The following FCHO2 variants were observed in gnomAD, a reference collection of about 807,000 sequenced individuals.
FCHO2 encodes F-BAR domain only protein 2.
FCHO2 carries 43 observed loss-of-function variants against 114.1 expected under a neutral mutation model. The observed-to-expected ratio is 0.38, with a 90% confidence interval of 0.30 to 0.49. The LOEUF (loss-of-function observed/expected upper bound fraction) is 0.49. Ranked by LOEUF, FCHO2 falls within the 20% of genes least tolerant of loss-of-function variation. The probability of loss-of-function intolerance (pLI) is 0.97; values close to 1 mark genes in which losing one functional copy is unlikely to be tolerated. For missense variants in FCHO2, 807 were observed against 950.4 expected, an observed-to-expected ratio of 0.85 and a Z score of 1.98; for synonymous variants, 293 against 315.2, an observed-to-expected ratio of 0.93 and a Z score of 0.75.
intron 19 of FCHO2, among the ~76,000 whole-genome samples, chr5:73,069,529 C>G (rs1352497103): frequency 6.6e-6 from 1 of 152,026 alleles, no homozygotes; most frequent in East Asian, 1.9e-4. Context: ...CTCACATGCA[C>G]AGTTCACAAT....
chr5:73,029,722 T>A (rs1756129532), intron 8 of FCHO2, among the ~76,000 whole-genome samples: 1 of 152,142 alleles, frequency 6.6e-6, no homozygotes, highest in Non-Finnish European at 1.5e-5. Flanking sequence ...CCATGTCACA[T>A]GGCAATAGTG....
At chr5:72,994,772 C>T (rs965708328) in intron 5 of FCHO2, among the ~76,000 whole-genome samples, 17 of 152,180 alleles carry the variant, frequency 1.1e-4, no homozygotes, top group Non-Finnish European at 1.8e-4. Flanking sequence ...TTGTGGAATA[C>T]TATGCAGCCA....
At chr5:72,977,436 G>A (rs1300796430) in intron 2 of FCHO2, among the ~76,000 whole-genome samples, 1 of 152,160 alleles carries the variant, frequency 6.6e-6, no homozygotes, top group Non-Finnish European at 1.5e-5. Context: ...TTTGAGAAGT[G>A]TCTGTTCATA....
chr5:72,959,451 T>C (rs1245035024), intron 1 of FCHO2, among the ~76,000 whole-genome samples: 1 of 152,122 alleles, frequency 6.6e-6, no homozygotes, highest in Non-Finnish European at 1.5e-5. Context: ...AAGGTTGCAG[T>C]AGGTTATGAT....
chr5:73,080,542 A>G (rs1471808407), intron 22 of FCHO2, among the ~76,000 whole-genome samples: 1 of 152,222 alleles, frequency 6.6e-6, no homozygotes, highest in African/African-American at 2.4e-5. Context: ...AAAGAATGAC[A>G]TGGATCTATG....
At chr5:73,007,135 C>T (rs903272769) in intron 6 of FCHO2, among the ~76,000 whole-genome samples, 1 of 152,150 alleles carries the variant, frequency 6.6e-6, no homozygotes, top group Non-Finnish European at 1.5e-5. Flanking sequence ...ATCTTACATA[C>T]CAAGAATTTT....
At chr5:73,075,598 A>G (rs1742873903) in intron 20 of FCHO2, among the ~76,000 whole-genome samples, 2 of 152,278 alleles carry the variant, frequency 1.3e-5, no homozygotes, top group Middle Eastern at 3.4e-3. Context: ...ATGAAATTAC[A>G]TGTGTTTTCA....
chr5:72,957,552 T>C (rs764924488), intron 1 of FCHO2, among the ~76,000 whole-genome samples: 3 of 152,262 alleles, frequency 2.0e-5, no homozygotes, highest in Non-Finnish European at 4.4e-5. Flanking sequence ...TTCCTTTTTA[T>C]GGTCAAATAA....
chr5:72,969,618 C>T (rs1752402887), intron 2 of FCHO2, among the ~76,000 whole-genome samples: 1 of 152,198 alleles, frequency 6.6e-6, no homozygotes, highest in African/African-American at 2.4e-5. Flanking sequence ...TTGCAACCAT[C>T]AGGGCAGATA....
chr5:73,028,738 C>T (rs571060190), intron 8 of FCHO2, among the ~76,000 whole-genome samples: 2 of 150,388 alleles, frequency 1.3e-5, no homozygotes, highest in Non-Finnish European at 1.5e-5. Context: ...GCAACCTCCA[C>T]CTCCCAGGTT....
At chr5:73,021,156 ATC>A in intron 8 of FCHO2, 3 of 777,492 alleles carry the variant, frequency 3.9e-6, no homozygotes, top group African/African-American at 1.7e-5. Flanking sequence ...TGAGAATGCC[ATC>A]TCTCCTTTGT....
chr5:73,005,738 T>C (rs1053566805), intron 5 of FCHO2, among the ~76,000 whole-genome samples: 1 of 152,226 alleles, frequency 6.6e-6, no homozygotes, highest in African/African-American at 2.4e-5. Context: ...GTGGCTGTGT[T>C]ACTTTATTGC....
intron 8 of FCHO2, among the ~76,000 whole-genome samples, chr5:73,029,198 G>T (rs949058705): frequency 6.6e-6 from 1 of 152,146 alleles, no homozygotes; most frequent in African/African-American, 2.4e-5. Context: ...GAGTTGGGAA[G>T]AATCATTTTA....
intron 24 of FCHO2, among the ~76,000 whole-genome samples, chr5:73,083,654 G>T (rs1348118473): frequency 1.3e-5 from 2 of 152,122 alleles, no homozygotes; most frequent in Admixed American, 1.3e-4. Flanking sequence ...CACTTTGGTA[G>T]GCCGAGGTGG....
At position 72,988,856 on chromosome 5, in the gene FCHO2, G is replaced by T. The variant is rs193180610; in HGVS notation, c.126-571G>T. Among the ~76,000 whole-genome samples, 120 of 152,344 alleles carry T rather than the reference G, an allele frequency of 7.9e-4. 1 individual carries two copies. Among genetic ancestry groups the T allele is most frequent in the Admixed American group, 7.4e-3 (113 of 15,312 alleles). On this transcript the variant is annotated intron_variant, in intron 2 of 25. Transcript: ENST00000430046. The stretch of plus-strand genomic sequence containing the variant: ...AGAGAATACAAGAAGTAGCACTCAT[G>T]TATTTCCTGTTCAGATAAGCATTGG...
intron 8 of FCHO2, among the ~76,000 whole-genome samples, chr5:73,028,899 G>A (rs1303612708): frequency 2.6e-5 from 4 of 151,886 alleles, no homozygotes; most frequent in South Asian, 2.1e-4. Context: ...CACCCGCCTC[G>A]GCCTCCCAAA....
chr5:72,979,806 T>A (rs987176615), intron 2 of FCHO2, among the ~76,000 whole-genome samples: 3 of 152,210 alleles, frequency 2.0e-5, no homozygotes, highest in African/African-American at 7.2e-5. Context: ...TTTATCATTT[T>A]TTATTGTGTC....
rs918703495 is a variant in FCHO2 at position 73,088,522 on chromosome 5, A to G, written c.*432A>G. The G allele has an allele frequency of 5.8e-6, 1 of 173,544 alleles. No individual in the cohort carries two copies. Among genetic ancestry groups the G allele is most frequent in the African/African-American group, 2.4e-5 (1 of 41,990 alleles). 10.8% of individuals were successfully genotyped at this position (173,544 alleles called of 1,614,324 possible). A position where few individuals can be genotyped will look rare whatever the true frequency, so the allele number is the denominator to read the frequency against. ...TAAGTTTGATATTCAGTGGATACAAATAGAACATGAATTCTAAGTTTTGGG... is the reference window on the plus strand; with the variant it reads ...TAAGTTTGATATTCAGTGGATACAAGTAGAACATGAATTCTAAGTTTTGGG... On this transcript the variant is annotated 3_prime_UTR_variant, in exon 26 of 26. Transcript: ENST00000430046.
intron 19 of FCHO2, among the ~76,000 whole-genome samples, chr5:73,074,261 C>T (rs971474581): frequency 6.6e-6 from 1 of 151,138 alleles, no homozygotes; most frequent in South Asian, 2.1e-4. Context: ...GAATACAATA[C>T]AAGCATCAGA....
Sources: gnomAD v4.1 joint callset for allele counts (sites outside exome capture counted in the v4.1 genomes callset) on GRCh38, gnomAD v4.1.1 for gene constraint, MANE v1.5 for transcripts, NCBI Gene and HGNC (gene_info 2026-07-23, HGNC 2026-07-21) for gene names.